The following GAN variants were observed in gnomAD, a reference collection of about 807,000 sequenced individuals.
The protein encoded by GAN is gigaxonin.
GAN carries 48 observed loss-of-function variants against 71.3 expected under a neutral mutation model. The observed-to-expected ratio is 0.67, with a 90% CI of 0.53 to 0.86. The LOEUF is 0.86. Ranked by LOEUF, GAN falls within the 40% of genes least tolerant of loss-of-function variation. GAN has a pLI of 0.00. For missense variants in GAN, 928 were observed against 770.1 expected (o/e 1.21, Z -2.43); for synonymous variants, 386 against 276.8 (o/e 1.39, Z -3.92).
chr16:81,337,668 A>G (rs1261979485), intron 1 of GAN, among the ~76,000 whole-genome samples: 1 of 152,208 alleles, frequency 6.6e-6, no homozygotes, highest in African/African-American at 2.4e-5. Context: ...CATGGATGTA[A>G]AACTTTGAAT....
chr16:81,378,780 C>A lies in GAN; in HGVS notation c.*1184C>A, dbSNP rs1222953650. On this transcript the variant is annotated 3_prime_UTR_variant, in exon 11 of 11. Coordinates refer to ENST00000648994, the MANE Select transcript of GAN (RefSeq NM_022041.4). The stretch of plus-strand genomic sequence containing the variant: ...TCTGTTCATAGTAGAGCAAATTAAT[C>A]TTTTCCTCCTTCCCTCCTTTCCTAT... 1.3e-5 allele frequency: 2 copies of A among 152,590 alleles called. No homozygotes were observed. The highest frequency in any genetic ancestry group is 2.9e-5 in the Non-Finnish European group (2 of 68,026). 9.5% of individuals were successfully genotyped at this position (152,590 alleles called of 1,614,324 possible).
intron 9 of GAN, among the ~76,000 whole-genome samples, chr16:81,365,742 A>T (rs918765396): frequency 6.6e-6 from 1 of 151,810 alleles, no homozygotes; most frequent in Non-Finnish European, 1.5e-5. Context: ...TATAGCTTTT[A>T]GGAAAAAGTT....
At chr16:81,327,330 G>T (rs1909423414) in intron 1 of GAN, among the ~76,000 whole-genome samples, 1 of 152,144 alleles carries the variant, frequency 6.6e-6, no homozygotes. Context: ...GCAAAAAGGT[G>T]GTTTTCAGAT....
intron 1 of GAN, among the ~76,000 whole-genome samples, chr16:81,341,695 A>G (rs982909566): frequency 2.6e-5 from 4 of 152,214 alleles, no homozygotes; most frequent in African/African-American, 9.6e-5. Flanking sequence ...AATTGTAAAG[A>G]CCATCGATGC....
rs537653439 is a variant in GAN, at chr16:81,328,698, T to C, written c.167+13418T>C. ...CCATTTTTTTTAGATCTATCACCAT[T>C]CCTTCATCACTTTTGGAAATCATTT... On this transcript the variant is annotated intron_variant, in intron 1 of 10. Coordinates refer to ENST00000648994, the MANE Select transcript of GAN (RefSeq NM_022041.4). Among the ~76,000 whole-genome samples the C allele has an allele frequency of 2.3e-4, 35 of 151,718 alleles. 1 individual carries two copies. In the South Asian group the frequency reaches 7.1e-3, roughly 31 times the overall value.
chr16:81,317,571 T>C (rs749066867), intron 1 of GAN, among the ~76,000 whole-genome samples: 3 of 152,240 alleles, frequency 2.0e-5, no homozygotes, highest in Non-Finnish European at 4.4e-5. Flanking sequence ...TGTAGTCCGG[T>C]TCTTTCACTT....
intron 1 of GAN, among the ~76,000 whole-genome samples, chr16:81,343,981 C>CAGAG (rs1287165496): frequency 2.7e-5 from 4 of 149,740 alleles, no homozygotes; most frequent in Admixed American, 1.3e-4. Context: ...TAACAGACAA[C>CAGAG]AGCCAAATCA....
chr16:81,361,061 A>C (rs1381818841), intron 5 of GAN, among the ~76,000 whole-genome samples: 1 of 152,066 alleles, frequency 6.6e-6, no homozygotes, highest in Non-Finnish European at 1.5e-5. Flanking sequence ...CATCTCTACT[A>C]AAAGTACAAA....
At chr16:81,368,492 A>G (rs182673271) in intron 9 of GAN, among the ~76,000 whole-genome samples, 1 of 152,326 alleles carries the variant, frequency 6.6e-6, no homozygotes, top group Non-Finnish European at 1.5e-5. Flanking sequence ...CTGTGGTCCC[A>G]GCTACTTGGA....
In GAN at chr16:81,381,187, C is replaced by G. The variant is rs1437971712; in HGVS notation, c.*3591C>G. 6.6e-6 allele frequency: 1 copy of G among 152,180 alleles called. No individual in the cohort carries two copies. Among genetic ancestry groups the G allele is most frequent in the Non-Finnish European group, 1.5e-5 (1 of 68,042 alleles). The allele number at this position is 152,180 out of a possible 1,614,324, so 9.4% of individuals were successfully genotyped here. A position where few individuals can be genotyped will look rare whatever the true frequency, so the allele number is the denominator to read the frequency against. On this transcript the variant is annotated 3_prime_UTR_variant, in exon 11 of 11. Coordinates refer to ENST00000648994, the MANE Select transcript of GAN (RefSeq NM_022041.4). ...ACTCATGGGTAGTTAAGTTTCATTT[C>G]TAGAGAAATGTCTTAGCTGCTGTGG...
intron 1 of GAN, among the ~76,000 whole-genome samples, chr16:81,349,700 G>C (rs878984838): frequency 1.3e-5 from 2 of 152,162 alleles, no homozygotes; most frequent in Non-Finnish European, 2.9e-5. Context: ...TTTGTATTCA[G>C]TCTACCAAAA....
At chr16:81,315,958 G>C (rs1909025695) in intron 1 of GAN, among the ~76,000 whole-genome samples, 1 of 152,246 alleles carries the variant, frequency 6.6e-6, no homozygotes, top group Admixed American at 6.5e-5. Flanking sequence ...GGAGTTACAC[G>C]TTGAAGTAAA....
chr16:81,335,952 C>T (rs966505504), intron 1 of GAN, among the ~76,000 whole-genome samples: 4 of 152,242 alleles, frequency 2.6e-5, no homozygotes, highest in Non-Finnish European at 4.4e-5. Flanking sequence ...ATGCGGGTTC[C>T]TGCCCTTCCC....
At chr16:81,353,297 A>AAAAAAAAAACAAAACAAAAC (rs1567490936) in intron 2 of GAN, among the ~76,000 whole-genome samples, 122 of 151,520 alleles carry the variant, frequency 8.1e-4, no homozygotes, top group African/African-American at 2.7e-3. Context: ...GTCTCAAAAA[A>AAAAAAAAAACAAAACAAAAC]AAAAAAAAAC....
chr16:81,341,765 T>C (rs1345216486), intron 1 of GAN, among the ~76,000 whole-genome samples: 1 of 152,144 alleles, frequency 6.6e-6, no homozygotes, highest in Non-Finnish European at 1.5e-5. Context: ...AGTGACAGGA[T>C]CAAATTCACA....
chr16:81,322,422 A>G (rs181582312), intron 1 of GAN, among the ~76,000 whole-genome samples: 8 of 152,362 alleles, frequency 5.3e-5, no homozygotes, highest in Non-Finnish European at 7.3e-5. Context: ...CTCCATTTCA[A>G]TAGAGTAAGG....
chr16:81,362,822 T>A (rs1324887713), intron 6 of GAN, among the ~76,000 whole-genome samples: 1 of 152,148 alleles, frequency 6.6e-6, no homozygotes, highest in African/African-American at 2.4e-5. Context: ...CTTCCAGGAA[T>A]GCCCTCACCC....
Position 81,350,780 on chromosome 16 carries a change from A to G in GAN, c.168-803A>G, listed in dbSNP as rs112517473. 2.8e-3 allele frequency among the ~76,000 whole-genome samples: 424 copies of G among 152,220 alleles called. 3 individuals are homozygous for G. Among genetic ancestry groups the G allele is most frequent in the African/African-American group, 9.7e-3 (403 of 41,534 alleles). On this transcript the variant is annotated intron_variant, in intron 1 of 10. Coordinates refer to ENST00000648994, the MANE Select transcript of GAN (RefSeq NM_022041.4). Reference sequence around the variant, plus strand: ...GTGAGCTACCCACCTCGGCCTCCCAAAGTGTTGGGATTACAGGCGTGAGCC... The same window carrying G: ...GTGAGCTACCCACCTCGGCCTCCCAGAGTGTTGGGATTACAGGCGTGAGCC...
At chr16:81,365,778 G>T (rs1910836696) in intron 9 of GAN, among the ~76,000 whole-genome samples, 1 of 151,952 alleles carries the variant, frequency 6.6e-6, no homozygotes, top group Admixed American at 6.6e-5. Context: ...TGTTGGGCAT[G>T]GTGGCTCACA....
Sources: allele counts gnomAD v4.1 joint callset (sites outside exome capture counted in the v4.1 genomes callset), GRCh38; gene constraint gnomAD v4.1.1; transcripts MANE v1.5; gene names NCBI Gene and HGNC (gene_info 2026-07-23, HGNC 2026-07-21).